Variants in BICC1 observed in about 807,000 individuals in gnomAD.
The protein encoded by BICC1 is BicC family RNA binding protein 1.
BICC1 carries 43 observed loss-of-function variants against 111.0 expected under a neutral mutation model. The observed-to-expected ratio is 0.39, with a 90% CI of 0.30 to 0.50. BICC1 has a LOEUF of 0.50. BICC1 is among the 20% of genes least tolerant of loss of function. BICC1 has a pLI of 0.88. For missense variants in BICC1, 1,091 were observed against 1,203.2 expected (o/e 0.91, Z 1.38); for synonymous variants, 467 against 434.4 (o/e 1.07, Z -0.93).
At chr10:58,609,411 C>T (rs1209862506) in intron 1 of BICC1, among the ~76,000 whole-genome samples, 1 of 152,162 alleles carries the variant, frequency 6.6e-6, no homozygotes, top group Non-Finnish European at 1.5e-5. Context: ...CTTTTCAATC[C>T]TCCTTGGATG....
intron 19 of BICC1, 38 bp from the exon 20 acceptor site, chr10:58,820,331 T>G (rs1466889077): frequency 1.5e-6 from 2 of 1,357,498 alleles, no homozygotes; most frequent in Non-Finnish European, 2.1e-6. Context: ...AAATAAGTAA[T>G]TAATACATTG....
chr10:58,728,396 G>A (rs1008836134), intron 3 of BICC1, among the ~76,000 whole-genome samples: 2 of 152,066 alleles, frequency 1.3e-5, no homozygotes, highest in Non-Finnish European at 1.5e-5. Context: ...ATCCACTCAA[G>A]TTTTATCCTG....
chr10:58,641,815 T>C (rs1181264019), intron 2 of BICC1, among the ~76,000 whole-genome samples: 2 of 152,186 alleles, frequency 1.3e-5, no homozygotes, highest in Non-Finnish European at 2.9e-5. Flanking sequence ...CATTTTTAAG[T>C]ATACAGTCTA....
chr10:58,571,797 CAT>C (rs1469274190), intron 1 of BICC1, among the ~76,000 whole-genome samples: 1 of 152,076 alleles, frequency 6.6e-6, no homozygotes. Flanking sequence ...GCGCAGTGAA[CAT>C]ATGTGTGCAT....
At chr10:58,637,943 G>A (rs1162925912) in intron 2 of BICC1, among the ~76,000 whole-genome samples, 1 of 152,128 alleles carries the variant, frequency 6.6e-6, no homozygotes, top group Non-Finnish European at 1.5e-5. Flanking sequence ...GAATTTGGGG[G>A]AGGTATGCGA....
At chr10:58,705,204 T>C (rs1299056634) in intron 3 of BICC1, among the ~76,000 whole-genome samples, 3 of 152,196 alleles carry the variant, frequency 2.0e-5, no homozygotes, top group African/African-American at 7.2e-5. Context: ...CACTACTTGT[T>C]CTTATGGTCA....
At chr10:58,617,935 C>T (rs1313638672) in intron 1 of BICC1, among the ~76,000 whole-genome samples, 1 of 152,262 alleles carries the variant, frequency 6.6e-6, no homozygotes, top group Non-Finnish European at 1.5e-5. Flanking sequence ...TGTAATGTCA[C>T]CATGGGGTGG....
intron 3 of BICC1, among the ~76,000 whole-genome samples, chr10:58,767,058 G>T (rs1264623330): frequency 1.3e-5 from 2 of 152,152 alleles, no homozygotes; most frequent in Non-Finnish European, 2.9e-5. Flanking sequence ...TGAGCTAGTT[G>T]GGATGCCTGA....
chr10:58,686,867 C>A (rs1385426355), intron 2 of BICC1, among the ~76,000 whole-genome samples: 3 of 152,208 alleles, frequency 2.0e-5, no homozygotes, highest in African/African-American at 4.8e-5. Flanking sequence ...AAGCCTTCTT[C>A]TTTCAACTCG....
chr10:58,552,320 C>CT (rs1280312270), intron 1 of BICC1, among the ~76,000 whole-genome samples: 1 of 151,774 alleles, frequency 6.6e-6, no homozygotes, highest in Non-Finnish European at 1.5e-5. Flanking sequence ...ATTCTTATTT[C>CT]TTTTTTTATT....
intron 20 of BICC1, chr10:58,823,455 A>G: frequency 1.0e-6 from 1 of 984,204 alleles, no homozygotes; most frequent in Non-Finnish European, 1.2e-6. Context: ...TCTGTGCATC[A>G]CATTTAAAAA....
chr10:58,701,523 G>A (rs1840234503), intron 2 of BICC1, among the ~76,000 whole-genome samples: 1 of 152,130 alleles, frequency 6.6e-6, no homozygotes, highest in Admixed American at 6.6e-5. Flanking sequence ...TCTGAACCAG[G>A]CAAAGGATGA....
At chr10:58,801,542 T>C (rs925567946) in intron 14 of BICC1, among the ~76,000 whole-genome samples, 2 of 151,758 alleles carry the variant, frequency 1.3e-5, no homozygotes, top group Non-Finnish European at 2.9e-5. Flanking sequence ...GTATTAAATA[T>C]TAAATATAAC....
chr10:58,530,131 AT>A (rs1842641775), intron 1 of BICC1, among the ~76,000 whole-genome samples: 1 of 151,788 alleles, frequency 6.6e-6, no homozygotes, highest in Non-Finnish European at 1.5e-5. Flanking sequence ...ACGTATCTGT[AT>A]TTTTTAACAG....
At chr10:58,585,333 G>T (rs1200268182) in intron 1 of BICC1, among the ~76,000 whole-genome samples, 7 of 152,136 alleles carry the variant, frequency 4.6e-5, no homozygotes, top group Non-Finnish European at 7.3e-5. Context: ...GTTGGTTGGT[G>T]CTGGTCACTT....
At chr10:58,688,596 C>T (rs1410198035) in intron 2 of BICC1, among the ~76,000 whole-genome samples, 2 of 152,162 alleles carry the variant, frequency 1.3e-5, no homozygotes, top group Non-Finnish European at 2.9e-5. Flanking sequence ...TTTATTGCAG[C>T]ACTATTTACA....
At chr10:58,757,460 T>C (rs755176703) in intron 3 of BICC1, among the ~76,000 whole-genome samples, 7 of 149,658 alleles carry the variant, frequency 4.7e-5, no homozygotes, top group Non-Finnish European at 1.0e-4. Context: ...AACTAAAGCC[T>C]CTGTGAGACT....
intron 1 of BICC1, among the ~76,000 whole-genome samples, chr10:58,601,166 AT>A (rs1329880144): frequency 0.013 from 1,836 of 140,944 alleles, 36 homozygotes; most frequent in Middle Eastern, 0.034. Context: ...ATATATATAT[AT>A]ATATCTCCCA....
chr10:58,518,193 A>T (rs1021694337), intron 1 of BICC1, among the ~76,000 whole-genome samples: 1 of 152,214 alleles, frequency 6.6e-6, no homozygotes, highest in Admixed American at 6.5e-5. Flanking sequence ...TGAGCCATTC[A>T]TTTCTAGTAT....
Sources: allele counts gnomAD v4.1 joint callset (sites outside exome capture counted in the v4.1 genomes callset), GRCh38; gene constraint gnomAD v4.1.1; transcripts MANE v1.5; gene names NCBI Gene and HGNC (gene_info 2026-07-23, HGNC 2026-07-21).